The following LSAMP variants were observed in gnomAD, a reference collection of about 807,000 sequenced individuals.
LSAMP encodes limbic system-associated membrane protein.
LSAMP carries 7 observed loss-of-function variants against 38.6 expected under a neutral mutation model. That is an observed-to-expected ratio of 0.18 (90% confidence interval 0.10 to 0.34). The LOEUF (loss-of-function observed/expected upper bound fraction) is 0.34. LSAMP is among the 10% of genes least tolerant of loss of function. The pLI is 1.00. For missense variants in LSAMP, 313 were observed against 420.0 expected (o/e 0.75, Z 2.23); for synonymous variants, 154 against 166.8 (o/e 0.92, Z 0.59).
At chr3:116,288,389 G>T (rs762168026) in intron 1 of LSAMP, among the ~76,000 whole-genome samples, 27 of 152,164 alleles carry the variant, frequency 1.8e-4, no homozygotes, top group Non-Finnish European at 3.7e-4. Flanking sequence ...TGGCAGAACT[G>T]CCATTTAGCC....
intron 1 of LSAMP, among the ~76,000 whole-genome samples, chr3:116,403,746 CTT>C (rs35084969): frequency 2.7e-5 from 4 of 145,744 alleles, no homozygotes; most frequent in Middle Eastern, 3.5e-3. Flanking sequence ...GGCATAGAAT[CTT>C]TTTTTTTTTT....
At chr3:116,289,162 C>T (rs1011205834) in intron 1 of LSAMP, among the ~76,000 whole-genome samples, 3 of 152,064 alleles carry the variant, frequency 2.0e-5, no homozygotes, top group Non-Finnish European at 4.4e-5. Flanking sequence ...AGAAAACACA[C>T]CAATTTATAA....
intron 1 of LSAMP, among the ~76,000 whole-genome samples, chr3:116,188,364 C>T (rs1488748670): frequency 6.6e-6 from 1 of 152,130 alleles, no homozygotes; most frequent in Non-Finnish European, 1.5e-5. Flanking sequence ...ATTTGATACC[C>T]TACAACATAT....
chr3:115,810,262 T>C lies in LSAMP; in HGVS notation c.*55A>G. Reference sequence around the variant, plus strand: ...CTCTCTCTGTCTCTCTCTCTCTGTATTCTGTGTGACGCATTTTTGTGTGTT... The same window carrying C: ...CTCTCTCTGTCTCTCTCTCTCTGTACTCTGTGTGACGCATTTTTGTGTGTT... On this transcript the variant is annotated 3_prime_UTR_variant, in exon 7 of 7. Transcript: ENST00000490035. 30 of 1,219,472 alleles carry C rather than the reference T, an allele frequency of 2.5e-5. No individual in the cohort carries two copies. The highest frequency in any genetic ancestry group is 5.1e-5 in the East Asian group (2 of 39,244). 75.5% of individuals were successfully genotyped at this position (1,219,472 alleles called of 1,614,324 possible).
chr3:116,237,757 G>A (rs912314293), intron 1 of LSAMP, among the ~76,000 whole-genome samples: 2 of 152,108 alleles, frequency 1.3e-5, no homozygotes, highest in Non-Finnish European at 2.9e-5. Context: ...TCAAACACAC[G>A]CCATTCAACT....
chr3:116,434,715 C>T (rs1006599107), intron 1 of LSAMP, among the ~76,000 whole-genome samples: 1 of 152,078 alleles, frequency 6.6e-6, no homozygotes, highest in African/African-American at 2.4e-5. Flanking sequence ...CCAGGCCCAG[C>T]CAATTTTTGT....
At chr3:116,087,603 GAATGAA>G (rs1708020652) in intron 1 of LSAMP, among the ~76,000 whole-genome samples, 1 of 152,148 alleles carries the variant, frequency 6.6e-6, no homozygotes, top group Non-Finnish European at 1.5e-5. Flanking sequence ...GAGCAGGAGG[GAATGAA>G]CAGAAAGAGC....
chr3:116,157,304 A>G (rs533950660), intron 1 of LSAMP, among the ~76,000 whole-genome samples: 1 of 152,122 alleles, frequency 6.6e-6, no homozygotes, highest in African/African-American at 2.4e-5. Flanking sequence ...ATACTAAAGG[A>G]ACTGAAAAAA....
intron 3 of LSAMP, among the ~76,000 whole-genome samples, chr3:115,885,968 T>G (rs536741651): frequency 6.6e-6 from 1 of 152,114 alleles, no homozygotes. Flanking sequence ...AGATATGACT[T>G]TTAATGGTTA....
At chr3:116,255,439 G>C (rs1182639275) in intron 1 of LSAMP, among the ~76,000 whole-genome samples, 1 of 152,150 alleles carries the variant, frequency 6.6e-6, no homozygotes, top group African/African-American at 2.4e-5. Flanking sequence ...CCACAAGCTA[G>C]AACAGTTTGA....
chr3:116,405,681 T>G (rs1250358166), intron 1 of LSAMP, among the ~76,000 whole-genome samples: 1 of 152,134 alleles, frequency 6.6e-6, no homozygotes, highest in East Asian at 1.9e-4. Context: ...GAAAAGTTTT[T>G]AATGAGTCTC....
chr3:116,132,395 A>G (rs1175310026), intron 1 of LSAMP, among the ~76,000 whole-genome samples: 1 of 151,800 alleles, frequency 6.6e-6, no homozygotes, highest in East Asian at 2.0e-4. Context: ...GGATTGGGAT[A>G]AAGAAAATGC....
intron 1 of LSAMP, among the ~76,000 whole-genome samples, chr3:116,255,556 C>T (rs1429624230): frequency 1.3e-5 from 2 of 152,196 alleles, no homozygotes; most frequent in Admixed American, 6.5e-5. Flanking sequence ...GAGCATTTAA[C>T]TTTAGCTGGA....
rs745680639 is a variant in LSAMP, at chr3:116,086,308, C to A, written c.388+16G>T. ...CACCTCTTTCTTACCACCCTTCTAT[C>A]CCACACTTTCCTTACCTTGTACGAT... On this transcript the variant is annotated intron_variant, in intron 2 of 6. Transcript: ENST00000490035. 47 of 1,602,174 alleles carry A rather than the reference C, an allele frequency of 2.9e-5. No individual in the cohort carries two copies. The highest frequency in any genetic ancestry group is 2.6e-6 in the Non-Finnish European group (3 of 1,169,444).
At chr3:116,362,774 G>T (rs1461337219) in intron 1 of LSAMP, among the ~76,000 whole-genome samples, 1 of 98,638 alleles carries the variant, frequency 1.0e-5, no homozygotes, top group East Asian at 2.5e-4. Flanking sequence ...GGTACATAAC[G>T]AAATGAAGGC....
At chr3:116,376,515 T>A (rs1426954080) in intron 1 of LSAMP, among the ~76,000 whole-genome samples, 1 of 152,098 alleles carries the variant, frequency 6.6e-6, no homozygotes, top group Non-Finnish European at 1.5e-5. Flanking sequence ...AGCCACAGTT[T>A]AATTCTTGCT....
intron 1 of LSAMP, among the ~76,000 whole-genome samples, chr3:116,261,594 A>C (rs553150845): frequency 6.6e-6 from 1 of 152,238 alleles, no homozygotes; most frequent in East Asian, 1.9e-4. Context: ...CTGTATTTTA[A>C]ACAATTTTCT....
chr3:116,208,404 C>G (rs1017056644), intron 1 of LSAMP, among the ~76,000 whole-genome samples: 8 of 152,188 alleles, frequency 5.3e-5, no homozygotes, highest in Admixed American at 2.0e-4. Context: ...CTCAGCTCAT[C>G]AAAGTCATTC....
intron 1 of LSAMP, among the ~76,000 whole-genome samples, chr3:116,391,958 A>T (rs1025107582): frequency 6.6e-6 from 1 of 152,178 alleles, no homozygotes; most frequent in Admixed American, 6.5e-5. Context: ...CCAAATGGCC[A>T]GGCCCAGGGC....
Sources: gnomAD v4.1 joint callset for allele counts (sites outside exome capture counted in the v4.1 genomes callset) on GRCh38, gnomAD v4.1.1 for gene constraint, MANE v1.5 for transcripts, NCBI Gene and HGNC (gene_info 2026-07-23, HGNC 2026-07-21) for gene names.